Variants in HNRNPUL1 observed in about 807,000 individuals in gnomAD.
The protein encoded by HNRNPUL1 is heterogeneous nuclear ribonucleoprotein U like 1.
Under a neutral mutation model 108.5 loss-of-function variants are expected in HNRNPUL1, and 14 were observed. The observed-to-expected ratio is 0.13, with a 90% CI of 0.09 to 0.20. HNRNPUL1 has a LOEUF of 0.20. Ranked by LOEUF, HNRNPUL1 falls within the 10% of genes least tolerant of loss-of-function variation. HNRNPUL1 has a pLI of 1.00. For missense variants in HNRNPUL1, 804 were observed against 1,168.3 expected, an observed-to-expected ratio of 0.69 and a Z score of 4.55; for synonymous variants, 422 against 445.2, an observed-to-expected ratio of 0.95 and a Z score of 0.66.
chr19:41,298,115 C>T (rs756927974), intron 10 of HNRNPUL1, among the ~76,000 whole-genome samples: 4 of 152,186 alleles, frequency 2.6e-5, no homozygotes, highest in Non-Finnish European at 5.9e-5. Context: ...CCCTGGTGAG[C>T]TGTGACAAGT....
intron 10 of HNRNPUL1, among the ~76,000 whole-genome samples, chr19:41,299,194 C>T (rs2037056716): frequency 1.3e-5 from 2 of 152,130 alleles, no homozygotes; most frequent in African/African-American, 4.8e-5. Context: ...TGTCCAAGAC[C>T]CCAAGAACAG....
rs2036643832 is a variant in HNRNPUL1 at position 41,292,499 on chromosome 19, G to A, written c.1254G>A (p.Lys418=). 1.9e-6 allele frequency: 3 copies of A among 1,610,358 alleles called. No individual in the cohort carries two copies. Among genetic ancestry groups the A allele is most frequent in the Non-Finnish European group, 2.5e-6 (3 of 1,177,114 alleles). ...RIRGTVGPKS[K]AECEILMMVG... is the part of the protein sequence containing the mutation. ...GGGGCACCGTTGGACCAAAGAGCAA[G>A]GCAGAATGTGAGGTGAGTGGGGCCA... The change falls in exon 8 of 15, where the codon AAG becomes AAA. Residue 418 remains lysine, a synonymous_variant. Coordinates refer to ENST00000392006, the MANE Select transcript of HNRNPUL1 (RefSeq NM_007040.6). The surrounding 1 kb of genome is among the most constrained non-coding windows in gnomAD (Gnocchi z 4.1).
chr19:41,265,384 T>C, intron 1 of HNRNPUL1: 2 of 1,513,894 alleles, frequency 1.3e-6, no homozygotes, highest in Non-Finnish European at 8.8e-7. Context: ...CTGGTGTCTG[T>C]GGCTGGGGAG....
At chr19:41,293,976 C>T (rs150549692) in intron 8 of HNRNPUL1, among the ~76,000 whole-genome samples, 21 of 152,254 alleles carry the variant, frequency 1.4e-4, no homozygotes, top group African/African-American at 4.8e-4. Context: ...CATTACACGC[C>T]AGCCTGGGCA....
intron 1 of HNRNPUL1, chr19:41,265,056 C>T (rs2034732451): frequency 7.1e-7 from 1 of 1,399,480 alleles, no homozygotes; most frequent in Admixed American, 3.3e-5. Flanking sequence ...GGGGAGGATT[C>T]CGTACCGTAG....
chr19:41,264,990 AG>A, intron 1 of HNRNPUL1, 192 bp downstream of exon 1: 4 of 1,191,184 alleles, frequency 3.4e-6, no homozygotes, highest in African/African-American at 2.1e-5. Context: ...CACTCAGTGC[AG>A]GGGGGACACT....
intron 7 of HNRNPUL1, among the ~76,000 whole-genome samples, chr19:41,283,352 C>T (rs549910902): frequency 6.6e-6 from 1 of 152,364 alleles, no homozygotes; most frequent in East Asian, 1.9e-4. Flanking sequence ...GCGATCTCAA[C>T]TCACTGCAAC....
chr19:41,280,166 T>A (rs1449145588), intron 6 of HNRNPUL1, among the ~76,000 whole-genome samples: 5 of 152,176 alleles, frequency 3.3e-5, no homozygotes, highest in African/African-American at 1.2e-4. Flanking sequence ...AAAAAATATG[T>A]TCACATGGAC....
At chr19:41,289,502 G>A (rs764617116) in intron 7 of HNRNPUL1, among the ~76,000 whole-genome samples, 2 of 152,164 alleles carry the variant, frequency 1.3e-5, no homozygotes, top group African/African-American at 4.8e-5. Flanking sequence ...GGCTTCAGGA[G>A]TTTGGGTCTT....
In HNRNPUL1 at chr19:41,264,797, TTG is replaced by T. The variant is rs2122344606; in HGVS notation, c.295+2_295+3del. ...GCGGCTACTCGGGGCCGGACGGACA[TTG>T]TGAGAGTGCGCGGGGCGGGGGCCGG... On this transcript the variant is annotated splice_donor_variant and coding_sequence_variant, in exon 1 of 15. Transcript: ENST00000392006. LOFTEE classifies it high-confidence loss of function. The T allele has an allele frequency of 7.4e-7, 1 of 1,353,010 alleles. No homozygotes were observed. The highest frequency in any genetic ancestry group is 1.5e-5 in the African/African-American group (1 of 65,150). The allele number at this position is 1,353,010 out of a possible 1,614,324, so 83.8% of individuals were successfully genotyped here. A position where few individuals can be genotyped will look rare whatever the true frequency, so the allele number is the denominator to read the frequency against.
At chr19:41,264,221 C>T, upstream of HNRNPUL1, 1 of 333,604 alleles carries the variant, frequency 3.0e-6, no homozygotes, top group Non-Finnish European at 5.4e-6. Context: ...TCCCCAGTAG[C>T]TCCTAGGCCT....
At position 41,294,231 on chromosome 19, in the gene HNRNPUL1, T is replaced by C; in HGVS notation, c.1267-107T>C. ...AGATGGTATTACTGCTTCCGCTTTG[T>C]AGAGGCAGCCACAGCTCAGAGGTCC... On this transcript the variant is annotated intron_variant, in intron 8 of 14. Transcript: ENST00000392006. The surrounding 1 kb of genome is among the most constrained non-coding windows in gnomAD (Gnocchi z 4.3). 2 of 1,300,464 alleles carry C rather than the reference T, an allele frequency of 1.5e-6. No individual in the cohort carries two copies. The highest frequency in any genetic ancestry group is 2.2e-6 in the Non-Finnish European group (2 of 919,956). 80.6% of individuals were successfully genotyped at this position (1,300,464 alleles called of 1,614,324 possible).
At position 41,294,803 on chromosome 19, in the gene HNRNPUL1, A is replaced by G; in HGVS notation, c.1518+117A>G. The G allele has an allele frequency of 1.6e-6, 2 of 1,256,468 alleles. No individual in the cohort carries two copies. The highest frequency in any genetic ancestry group is 2.7e-5 in the South Asian group (2 of 75,144). 77.8% of individuals were successfully genotyped at this position (1,256,468 alleles called of 1,614,324 possible). On this transcript the variant is annotated intron_variant, in intron 10 of 14. Transcript: ENST00000392006. The surrounding 1 kb of genome is among the most constrained non-coding windows in gnomAD (Gnocchi z 4.3). ...CGTAATGATGATGGACTGCTGTGCT[A>G]GTCGGGGGGGTCAGACCTTGTCATA...
At chr19:41,270,258 C>T (rs1259232190) in intron 2 of HNRNPUL1, among the ~76,000 whole-genome samples, 1 of 151,950 alleles carries the variant, frequency 6.6e-6, no homozygotes, top group African/African-American at 2.4e-5. Context: ...TCTGGGGTTA[C>T]AGGCGTGAGC....
intron 14 of HNRNPUL1, 103 bp downstream of exon 14, chr19:41,305,970 C>A: frequency 1.3e-6 from 1 of 798,704 alleles, no homozygotes; most frequent in Non-Finnish European, 2.0e-6. Context: ...AAAAAGACAG[C>A]CTGCTGGCCT....
chr19:41,289,551 A>G (rs1260918164), intron 7 of HNRNPUL1, among the ~76,000 whole-genome samples: 1 of 152,092 alleles, frequency 6.6e-6, no homozygotes, highest in Non-Finnish European at 1.5e-5. Context: ...CAGCAGGAAC[A>G]ACAACACAAC....
At chr19:41,267,929 A>C (rs2034954455) in intron 1 of HNRNPUL1, 1 of 231,042 alleles carries the variant, frequency 4.3e-6, no homozygotes, top group Non-Finnish European at 8.4e-6. Context: ...GTTATTTTCC[A>C]GGTCCCTTTC....
chr19:41,284,865 C>T (rs1031415543), intron 7 of HNRNPUL1, among the ~76,000 whole-genome samples: 2 of 151,486 alleles, frequency 1.3e-5, no homozygotes, highest in South Asian at 2.1e-4. Context: ...GCGTGGTGGC[C>T]AGCGCCTGTA....
intron 7 of HNRNPUL1, among the ~76,000 whole-genome samples, chr19:41,283,033 T>A (rs2035997811): frequency 6.6e-6 from 1 of 152,162 alleles, no homozygotes; most frequent in South Asian, 2.1e-4. Context: ...CTTTGGAGAT[T>A]TGCAACAATT....
Sources: gnomAD v4.1 joint callset for allele counts (sites outside exome capture counted in the v4.1 genomes callset) on GRCh38, gnomAD v4.1.1 for gene constraint, Gnocchi (gnomAD v3.1) non-coding constraint, MANE v1.5 for transcripts, NCBI Gene and HGNC (gene_info 2026-07-23, HGNC 2026-07-21) for gene names.